SYNE2: variants seen among roughly 807,000 people sequenced by gnomAD.
The protein encoded by SYNE2 is spectrin repeat containing nuclear envelope protein 2, also known as nesprin-2.
In SYNE2, 431 loss-of-function variants were observed where a neutral mutation model predicts 856.3. The observed-to-expected ratio is 0.50, with a 90% CI of 0.47 to 0.55. The LOEUF (loss-of-function observed/expected upper bound fraction) is 0.55. SYNE2 is among the 20% of genes least tolerant of loss of function. The probability of loss-of-function intolerance (pLI) is 0.00; values close to 1 mark genes in which losing one functional copy is unlikely to be tolerated. For synonymous variants in SYNE2, 2,923 were observed against 2,872.3 expected, an observed-to-expected ratio of 1.02 and a Z score of -0.56; for missense variants, 8,129 against 8,023.2, an observed-to-expected ratio of 1.01 and a Z score of -0.50.
chr14:64,074,150 G>A lies in SYNE2; in HGVS notation c.10866+14G>A, dbSNP rs2153603601. 1.9e-6 allele frequency: 3 copies of A among 1,612,876 alleles called. No homozygotes were observed. Among genetic ancestry groups the A allele is most frequent in the Admixed American group, 1.7e-5 (1 of 60,018 alleles). ...GAACAATTTGAGGTAAGTGAGGAATGAATTAGTGAATGTGGCAGGTACAGG... is the reference window on the plus strand; with the variant it reads ...GAACAATTTGAGGTAAGTGAGGAATAAATTAGTGAATGTGGCAGGTACAGG... On this transcript the variant is annotated intron_variant, in intron 53 of 115. Coordinates refer to ENST00000555002, the MANE Select transcript of SYNE2 (RefSeq NM_182914.3).
At chr14:63,864,645 T>C (rs72718306) in intron 1 of SYNE2, among the ~76,000 whole-genome samples, 117 of 152,366 alleles carry the variant, frequency 7.7e-4, no homozygotes, top group Non-Finnish European at 1.4e-3. Context: ...TACTATTATG[T>C]GTCTTACAAG....
chr14:64,165,539 C>T, intron 90 of SYNE2, 129 bp downstream of exon 90: 2 of 991,092 alleles, frequency 2.0e-6, no homozygotes, highest in Non-Finnish European at 3.0e-6. Context: ...TTGAGACGGA[C>T]TCTCGCTCTG....
intron 1 of SYNE2, among the ~76,000 whole-genome samples, chr14:63,766,619 G>A (rs1440704271): frequency 6.6e-6 from 1 of 152,174 alleles, no homozygotes; most frequent in Non-Finnish European, 1.5e-5. Context: ...GTGGCAAAGA[G>A]CTCCATTAAT....
chr14:63,823,632 T>C (rs1381634752), intron 1 of SYNE2, among the ~76,000 whole-genome samples: 1 of 151,852 alleles, frequency 6.6e-6, no homozygotes, highest in East Asian at 1.9e-4. Context: ...CATTTTTTTT[T>C]TTTTTTGTCT....
chr14:63,893,724 G>T (rs969786824), intron 1 of SYNE2, among the ~76,000 whole-genome samples: 1 of 152,188 alleles, frequency 6.6e-6, no homozygotes, highest in Non-Finnish European at 1.5e-5. Context: ...CACAGGACTA[G>T]AATCTGGAAT....
At chr14:63,767,408 C>A (rs1329655977) in intron 1 of SYNE2, among the ~76,000 whole-genome samples, 1 of 152,122 alleles carries the variant, frequency 6.6e-6, no homozygotes, top group Non-Finnish European at 1.5e-5. Context: ...CTGTGACCGG[C>A]CAATTTTTTA....
At position 64,122,612 on chromosome 14, in the gene SYNE2, C is replaced by G. The variant is rs1310405762; in HGVS notation, c.13422+185C>G. The G allele has an allele frequency of 9.8e-6, 7 of 711,480 alleles. No individual in the cohort carries two copies. The East Asian group carries it at 1.9e-4, about 19-fold the overall frequency. 44.1% of individuals were successfully genotyped at this position (711,480 alleles called of 1,614,324 possible). A position where few individuals can be genotyped will look rare whatever the true frequency, so the allele number is the denominator to read the frequency against. ...CCCTTCCTTTGTGCTTCTGTAGCAC[C>G]CAGGGCTTCCCTCATCAGAGCTGTT... On this transcript the variant is annotated intron_variant, in intron 70 of 115. Coordinates refer to ENST00000555002, the MANE Select transcript of SYNE2 (RefSeq NM_182914.3).
At chr14:63,967,318 C>T (rs550687274) in intron 10 of SYNE2, among the ~76,000 whole-genome samples, 100 of 152,274 alleles carry the variant, frequency 6.6e-4, no homozygotes, top group African/African-American at 1.9e-3. Context: ...CTTTGAAAAT[C>T]GCTTATATAT....
In SYNE2 at chr14:63,810,311, A is replaced by C. The variant is rs1888569450; in HGVS notation, c.-304-42190A>C. ...CTGATACATTAAATTGCATGGAAGC[A>C]TGTTGAATAAGTGATGATAAACCCA... On this transcript the variant is annotated intron_variant, in intron 1 of 23. Transcript: ENST00000674003. Among the ~76,000 whole-genome samples, 4 of 152,176 alleles carry C rather than the reference A, an allele frequency of 2.6e-5. No individual in the cohort carries two copies. In the South Asian group the frequency reaches 8.3e-4, roughly 31 times the overall value.
rs1162288956 is a variant in SYNE2 at position 64,129,840 on chromosome 14, G to T, written c.14078G>T (p.Arg4693Ile). The change falls in exon 75 of 116, where the codon AGA becomes ATA. Residue 4693 changes from arginine to isoleucine, a missense_variant. By Grantham distance (97) the Arg-to-Ile change is moderately conservative. This residue lies in a region of SYNE2 where 5,410 missense variants were observed against 5,284.8 expected (regional missense o/e 1.02). Coordinates refer to ENST00000555002, the MANE Select transcript of SYNE2 (RefSeq NM_182914.3). The part of the protein sequence containing the change: ...ENAESRVAKL[R>I]DEGERLHLPY... ...GCCGAGAGCCGAGTGGCCAAACTAAGAGATGAAGGGGAGAGGCTTCATTTA... is the reference window on the plus strand; with the variant it reads ...GCCGAGAGCCGAGTGGCCAAACTAATAGATGAAGGGGAGAGGCTTCATTTA... 1 of 1,614,208 alleles carries T rather than the reference G, an allele frequency of 6.2e-7. No individual in the cohort carries two copies. Among genetic ancestry groups the T allele is most frequent in the Admixed American group, 1.7e-5 (1 of 60,020 alleles).
intron 112 of SYNE2, 71 bp from the exon 113 acceptor site, chr14:64,223,118 A>G: frequency 6.4e-7 from 1 of 1,574,710 alleles, no homozygotes. Flanking sequence ...TGGTACTGAG[A>G]AAAACCTCCT....
chr14:63,840,442 CCTTCCTTCCT>C (rs1890021471), intron 1 of SYNE2, among the ~76,000 whole-genome samples: 1 of 47,450 alleles, frequency 2.1e-5, no homozygotes, highest in Non-Finnish European at 6.0e-5. Context: ...TTCCTTCCTT[CCTTCCTTCCT>C]CCCTCCCTCC....
At chr14:64,133,078 C>T (rs560010039) in intron 77 of SYNE2, among the ~76,000 whole-genome samples, 18 of 151,792 alleles carry the variant, frequency 1.2e-4, no homozygotes, top group African/African-American at 4.3e-4. Flanking sequence ...TGGTGGTGGG[C>T]GCCTGTAGTC....
At chr14:63,805,537 G>A (rs1467210308) in intron 1 of SYNE2, among the ~76,000 whole-genome samples, 2 of 152,074 alleles carry the variant, frequency 1.3e-5, no homozygotes, top group African/African-American at 4.8e-5. Flanking sequence ...ACAGGCGCCC[G>A]CCACCACGCC....
At chr14:64,003,760 C>T (rs2096773273) in intron 30 of SYNE2, among the ~76,000 whole-genome samples, 1 of 126,502 alleles carries the variant, frequency 7.9e-6, no homozygotes, top group Non-Finnish European at 1.7e-5. Context: ...TTATTTGGTC[C>T]CCTCCTCCTC....
intron 96 of SYNE2, among the ~76,000 whole-genome samples, chr14:64,180,245 A>C (rs2098451922): frequency 6.6e-6 from 1 of 152,112 alleles, no homozygotes; most frequent in African/African-American, 2.4e-5. Flanking sequence ...TTATTGTAAC[A>C]CATCTTTATT....
chr14:64,001,954 C>G lies in SYNE2; in HGVS notation c.3659C>G (p.Ala1220Gly). 6.2e-7 allele frequency: 1 copy of G among 1,614,128 alleles called. No homozygotes were observed. Among genetic ancestry groups the G allele is most frequent in the Non-Finnish European group, 8.5e-7 (1 of 1,179,996 alleles). The stretch of plus-strand genomic sequence containing the variant: ...CCCAGAATGGAATCTTTAGAGACAG[C>G]ACTGCGGCTTGTGTTACCTGTAGAG... ...LNTRMESLET[A>G]LRLVLPVEKA... The change falls in exon 29 of 116, where the codon GCA becomes GGA. Residue 1220 changes from alanine to glycine, a missense_variant. Around this residue, in one of 3 missense-constraint regions of SYNE2, gnomAD observed 2,422 missense variants for 2,357.4 expected, o/e 1.03. Coordinates refer to ENST00000555002, the MANE Select transcript of SYNE2 (RefSeq NM_182914.3).
intron 1 of SYNE2, among the ~76,000 whole-genome samples, chr14:63,829,127 CTGGGGCCAGGCATGGTAGCTCACACT>C (rs1889571166): frequency 6.6e-6 from 1 of 151,964 alleles, no homozygotes; most frequent in African/African-American, 2.4e-5. Flanking sequence ...AAAAAAAAGT[CTGGGGCCAGGCATGGTAGCTCACACT>C]TGTAATTTCA....
At chr14:64,124,894 T>A (rs1188877109) in intron 70 of SYNE2, among the ~76,000 whole-genome samples, 185 bp from the exon 71 acceptor site, 1 of 152,066 alleles carries the variant, frequency 6.6e-6, no homozygotes, top group South Asian at 2.1e-4. Flanking sequence ...TCCCAGCTAC[T>A]CGGGAGGCTG....
Sources: allele counts gnomAD v4.1 joint callset (sites outside exome capture counted in the v4.1 genomes callset), GRCh38; gene constraint gnomAD v4.1.1; regional missense constraint gnomAD v4.1.1; transcripts MANE v1.5; gene names NCBI Gene and HGNC (gene_info 2026-07-23, HGNC 2026-07-21).